The following UTS2 variants were observed in gnomAD, a reference collection of about 807,000 sequenced individuals.
UTS2 encodes urotensin 2.
Under a neutral mutation model 12.6 loss-of-function variants are expected in UTS2, and 10 were observed. The ratio of observed to expected loss-of-function variants is 0.80; its 90% CI spans 0.49 to 1.35. The LOEUF (loss-of-function observed/expected upper bound fraction) is 1.35. Among genes scored for constraint, UTS2 ranks in the 40% most tolerant of loss-of-function variants. The pLI is 0.00. For synonymous variants in UTS2, 52 were observed against 50.0 expected (o/e 1.04, Z -0.17); for missense variants, 142 against 143.2 (o/e 0.99, Z 0.04).
At chr1:7,908,778 G>T in the UTS2 span, among the ~76,000 whole-genome samples, 1 of 151,814 alleles carries the variant, frequency 6.6e-6, no homozygotes, top group Non-Finnish European at 1.5e-5. Context: ...TCACAATCAT[G>T]ACAGAAGGCA....
At chr1:7,867,667 G>A in the UTS2 span, among the ~76,000 whole-genome samples, 3 of 152,192 alleles carry the variant, frequency 2.0e-5, no homozygotes, top group Non-Finnish European at 4.4e-5. Context: ...CTTGAGGTCA[G>A]GAGTTCGAGA....
the UTS2 span, among the ~76,000 whole-genome samples, chr1:7,891,725 G>A: frequency 6.6e-6 from 1 of 151,950 alleles, no homozygotes; most frequent in Non-Finnish European, 1.5e-5. Context: ...ATCATGCTGT[G>A]TACCATAAAC....
chr1:7,861,714 C>A, the UTS2 span, among the ~76,000 whole-genome samples: 1 of 152,208 alleles, frequency 6.6e-6, no homozygotes, highest in South Asian at 2.1e-4. Flanking sequence ...CAGGAAACAG[C>A]CCCCTTTCCC....
At chr1:7,897,139 G>C in the UTS2 span, among the ~76,000 whole-genome samples, 1 of 152,120 alleles carries the variant, frequency 6.6e-6, no homozygotes. Context: ...TAGCTTCTAA[G>C]AATCTGTTTA....
At chr1:7,911,118 C>T in the UTS2 span, among the ~76,000 whole-genome samples, 2 of 152,022 alleles carry the variant, frequency 1.3e-5, no homozygotes, top group African/African-American at 4.8e-5. Flanking sequence ...GGACCCAAGA[C>T]GGCTATCAGA....
At chr1:7,903,103 C>CCTTTTTTTAATTAT in the UTS2 span, among the ~76,000 whole-genome samples, 2 of 66,462 alleles carry the variant, frequency 3.0e-5, no homozygotes, top group Admixed American at 2.1e-4. Flanking sequence ...TCCCCTCCTT[C>CCTTTTTTTAATTAT]TCCTGCTTCC....
Position 7,847,774 on chromosome 1 carries a change from A to C in UTS2, c.367T>G (p.Cys123Gly). 1 of 1,610,774 alleles carries C rather than the reference A, an allele frequency of 6.2e-7. No homozygotes were observed. Among genetic ancestry groups the C allele is most frequent in the Admixed American group, 1.7e-5 (1 of 59,824 alleles). ...RETPDCFWKY[C>G]V is the part of the protein sequence containing the mutation. The stretch of plus-strand genomic sequence containing the variant: ...CAGATGCTTATTTCACTTCAGACAC[A>C]GTATTTCCAGAAGCAATCAGGAGTC... Residue 123 changes from cysteine (C) to glycine (G), a missense_variant, in exon 4 of 4, where the codon TGT (cysteine) becomes GGT (glycine). Transcript: ENST00000361696.
At chr1:7,912,903 A>T in the UTS2 span, among the ~76,000 whole-genome samples, 3 of 144,058 alleles carry the variant, frequency 2.1e-5, no homozygotes, top group Non-Finnish European at 4.6e-5. Flanking sequence ...GAAATCGTTT[A>T]TTTTTTTTTT....
chr1:7,862,902 G>A, the UTS2 span, among the ~76,000 whole-genome samples: 11 of 152,046 alleles, frequency 7.2e-5, no homozygotes, highest in South Asian at 2.1e-4. Flanking sequence ...TAGCTACCAC[G>A]TTCACCTCCT....
chr1:7,880,006 C>T, the UTS2 span, among the ~76,000 whole-genome samples: 47 of 152,232 alleles, frequency 3.1e-4, no homozygotes, highest in Middle Eastern at 0.01. Flanking sequence ...CCTGTAATCC[C>T]AACACTTTGG....
At chr1:7,868,976 T>C in the UTS2 span, among the ~76,000 whole-genome samples, 2 of 149,492 alleles carry the variant, frequency 1.3e-5, no homozygotes, top group African/African-American at 2.5e-5. Context: ...CACCAAACCT[T>C]GATCTTAGAC....
the UTS2 span, among the ~76,000 whole-genome samples, chr1:7,867,059 G>A: frequency 5.9e-5 from 9 of 152,024 alleles, no homozygotes; most frequent in Non-Finnish European, 1.0e-4. Context: ...TAGTAGAGGT[G>A]GGGATTCACC....
At chr1:7,851,630 G>A (rs148202490) in intron 1 of UTS2, among the ~76,000 whole-genome samples, 25 of 152,260 alleles carry the variant, frequency 1.6e-4, no homozygotes, top group African/African-American at 5.8e-4. Flanking sequence ...TGGGACCAGC[G>A]TGCCACAGGC....
At chr1:7,898,813 G>A in the UTS2 span, among the ~76,000 whole-genome samples, 1 of 152,098 alleles carries the variant, frequency 6.6e-6, no homozygotes, top group African/African-American at 2.4e-5. Flanking sequence ...ACTTTCATCA[G>A]TGCCTGGAAA....
chr1:7,871,279 G>T, the UTS2 span, among the ~76,000 whole-genome samples: 2 of 152,222 alleles, frequency 1.3e-5, no homozygotes, highest in African/African-American at 2.4e-5. Flanking sequence ...GGCCAGCCGT[G>T]AGGGCCAGCC....
Position 7,852,907 on chromosome 1 carries a change from G to A in UTS2, c.97C>T (p.Leu33Phe). 6.2e-7 allele frequency: 1 copy of A among 1,606,580 alleles called. No individual in the cohort carries two copies. Among genetic ancestry groups the A allele is most frequent in the East Asian group, 2.2e-5 (1 of 44,784 alleles). The change falls in exon 1 of 4, where the codon CTC becomes TTC. Residue 33 changes from leucine to phenylalanine, a missense_variant. Transcript: ENST00000361696. ...LLDSREISFQLSAPHEDARLT... is the reference protein window; with the variant it reads ...LLDSREISFQFSAPHEDARLT... Reference sequence around the variant, plus strand: ...GGGAAAAAAAAAATCTTACCTGAGAGTTGAAAGGATATTTCCCTGGAGTCA... The same window carrying A: ...GGGAAAAAAAAAATCTTACCTGAGAATTGAAAGGATATTTCCCTGGAGTCA...
At chr1:7,869,039 T>C in the UTS2 span, among the ~76,000 whole-genome samples, 1 of 152,302 alleles carries the variant, frequency 6.6e-6, no homozygotes, top group South Asian at 2.1e-4. Flanking sequence ...AAGCTCCCAC[T>C]CTATGGTATT....
At chr1:7,911,794 G>A in the UTS2 span, among the ~76,000 whole-genome samples, 66 of 151,852 alleles carry the variant, frequency 4.3e-4, no homozygotes, top group Admixed American at 8.5e-4. Context: ...CCAGCTACTC[G>A]GGAGGCTGAG....
At chr1:7,870,427 C>A in the UTS2 span, among the ~76,000 whole-genome samples, 2 of 152,196 alleles carry the variant, frequency 1.3e-5, no homozygotes, top group Non-Finnish European at 2.9e-5. Flanking sequence ...GTCATTGAAG[C>A]CTCTCAGTCG....
Sources: gnomAD v4.1 joint callset for allele counts (sites outside exome capture counted in the v4.1 genomes callset) on GRCh38, gnomAD v4.1.1 for gene constraint, MANE v1.5 for transcripts, NCBI Gene and HGNC (gene_info 2026-07-23, HGNC 2026-07-21) for gene names.